The following ODF2 variants were observed in gnomAD, a reference collection of about 807,000 sequenced individuals.
ODF2 encodes outer dense fiber of sperm tails 2.
ODF2 carries 47 observed loss-of-function variants against 110.2 expected under a neutral mutation model. That is an observed-to-expected ratio of 0.43 (90% CI 0.34 to 0.54). ODF2 has a LOEUF of 0.54. Among genes scored for constraint, ODF2 ranks in the 20% least tolerant of loss-of-function variants. The pLI, the probability that ODF2 is intolerant of heterozygous loss-of-function variation, is 0.03. For synonymous variants in ODF2, 352 were observed against 397.7 expected (o/e 0.89, Z 1.37); for missense variants, 812 against 1,054.5 (o/e 0.77, Z 3.19).
chr9:128,488,315 C>G (rs1447291101), intron 14 of ODF2, among the ~76,000 whole-genome samples: 1 of 152,266 alleles, frequency 6.6e-6, no homozygotes, highest in East Asian at 1.9e-4. Context: ...GTCCCAGCTA[C>G]TCGGGAGGCT....
chr9:128,456,867 T>G, intron 1 of ODF2: 1 of 1,290,908 alleles, frequency 7.7e-7, no homozygotes, highest in Non-Finnish European at 9.8e-7. Context: ...CCTCCGCGCC[T>G]CCCTCCTTTA....
At chr9:128,456,814 T>A in intron 1 of ODF2, 1 of 1,181,242 alleles carries the variant, frequency 8.5e-7, no homozygotes, top group Non-Finnish European at 1.1e-6. Flanking sequence ...CTCAGAACTC[T>A]GTTCGGTTTT....
chr9:128,483,917 A>C, intron 10 of ODF2, 21 bp from the exon 11 acceptor site: 1 of 1,559,722 alleles, frequency 6.4e-7, no homozygotes, highest in Non-Finnish European at 8.8e-7. Context: ...TGCCTCCATC[A>C]CTTTTTCCGT....
chr9:128,499,262 T>A, intron 20 of ODF2, 136 bp downstream of exon 20: 1 of 1,036,340 alleles, frequency 9.6e-7, no homozygotes, highest in Non-Finnish European at 1.4e-6. Context: ...TCACTTTCTA[T>A]CCCTTAAGGA....
intron 17 of ODF2, among the ~76,000 whole-genome samples, 192 bp from the exon 18 acceptor site, chr9:128,495,849 G>A (rs556216599): frequency 1.2e-3 from 176 of 152,220 alleles, no homozygotes; most frequent in African/African-American, 4.0e-3. Context: ...AGTGTGGGGA[G>A]AGCCTTTTGT....
At chr9:128,469,512 G>T in intron 5 of ODF2, 159 bp downstream of exon 5, 1 of 682,820 alleles carries the variant, frequency 1.5e-6, no homozygotes, top group Non-Finnish European at 2.5e-6. Flanking sequence ...GAGGTAGCTG[G>T]GGCAGCATGG....
chr9:128,499,196 A>C (rs1846150860), intron 20 of ODF2, 70 bp downstream of exon 20: 12 of 1,589,340 alleles, frequency 7.6e-6, no homozygotes, highest in Non-Finnish European at 1.0e-5. Flanking sequence ...CCTGTGGGCC[A>C]AGGTGTTTTG....
upstream of ODF2, chr9:128,456,078 G>T (rs1834694246): frequency 3.9e-6 from 6 of 1,537,310 alleles, no homozygotes; most frequent in South Asian, 2.4e-5. Flanking sequence ...TCCCGGGGGG[G>T]TTTGAACTGG....
chr9:128,478,892 T>A (rs1384479880), intron 8 of ODF2, among the ~76,000 whole-genome samples: 1 of 152,190 alleles, frequency 6.6e-6, no homozygotes, highest in African/African-American at 2.4e-5. Context: ...CCCTTCCAGC[T>A]GTGTGGCCTC....
intron 1 of ODF2, 37 bp downstream of exon 1, chr9:128,456,292 C>T: frequency 6.6e-7 from 1 of 1,512,350 alleles, no homozygotes; most frequent in Non-Finnish European, 8.8e-7. Flanking sequence ...CAGCGCCCTC[C>T]GGGGCACCGC....
At chr9:128,470,018 A>AAAAAATATATATATATATATAT (rs1554829083) in intron 5 of ODF2, among the ~76,000 whole-genome samples, 1 of 16,982 alleles carries the variant, frequency 5.9e-5, no homozygotes, top group Non-Finnish European at 9.6e-5. Context: ...AAAAAAAAAA[A>AAAAAATATATATATATATATAT]ATATATATAT....
At position 128,473,590 on chromosome 9, in the gene ODF2, A is replaced by G; in HGVS notation, c.712-20A>G. ...TCCCTTCTCCCCCTGCATCTGTAAG[A>G]CTGGCTACTTGTCTTCCAGGAGAAA... On this transcript the variant is annotated intron_variant, in intron 7 of 20. Coordinates refer to ENST00000604420, the Ensembl canonical transcript of ODF2. The G allele has an allele frequency of 2.5e-6, 4 of 1,612,372 alleles. No individual in the cohort carries two copies. Among genetic ancestry groups the G allele is most frequent in the Non-Finnish European group, 3.4e-6 (4 of 1,179,338 alleles).
At chr9:128,476,310 G>A (rs552707308) in intron 8 of ODF2, among the ~76,000 whole-genome samples, 68 of 152,198 alleles carry the variant, frequency 4.5e-4, no homozygotes, top group African/African-American at 1.6e-3. Flanking sequence ...TTTTATTTGA[G>A]ACCGAGTTTC....
At position 128,484,074 on chromosome 9, in the gene ODF2, GT is replaced by G. The variant is rs1842925784; in HGVS notation, c.1104+21del. 6.3e-7 allele frequency: 1 copy of G among 1,575,428 alleles called. No individual in the cohort carries two copies. Among genetic ancestry groups the G allele is most frequent in the South Asian group, 1.1e-5 (1 of 90,484 alleles). ...ATTAAGGTACCTATTGGCCCCACAA[GT>G]GGGGAAAGAGGAGGCAAGGGCCTGC... On this transcript the variant is annotated intron_variant, in intron 11 of 20. Coordinates refer to ENST00000604420, the Ensembl canonical transcript of ODF2.
At chr9:128,473,834 G>A in intron 8 of ODF2, 93 bp downstream of exon 8, 1 of 1,238,104 alleles carries the variant, frequency 8.1e-7, no homozygotes. Context: ...TAAGATTGGT[G>A]CCCGACCTGA....
At chr9:128,473,243 C>G (rs941828666) in intron 7 of ODF2, 1 of 985,182 alleles carries the variant, frequency 1.0e-6, no homozygotes, top group Non-Finnish European at 1.2e-6. Context: ...TCACCAGGGC[C>G]TCTGAGGAGA....
At chr9:128,456,578 T>G in intron 1 of ODF2, 1 of 1,525,314 alleles carries the variant, frequency 6.6e-7, no homozygotes, top group African/African-American at 1.4e-5. Context: ...TGCCTGCTGG[T>G]GGGTGGCCGT....
intron 3 of ODF2, 135 bp from the exon 3 acceptor site, chr9:128,460,415 A>G: frequency 5.5e-6 from 8 of 1,465,038 alleles, no homozygotes; most frequent in Non-Finnish European, 5.5e-6. Context: ...CCTGCATGCC[A>G]GTAGTTGGTA....
At position 128,457,135 on chromosome 9, in the gene ODF2, C is replaced by T. The variant is rs376921243; in HGVS notation, c.-208-63C>T. On this transcript the variant is annotated intron_variant, in intron 1 of 20. Coordinates refer to ENST00000604420, the Ensembl canonical transcript of ODF2. ...TTCCCTCGCGGTTCTGCCCCGTCCC[C>T]TCCCCTTCCTCCCCTCTGCCCCCAG... is the stretch of plus-strand genomic sequence containing the variant. 29 of 1,460,270 alleles carry T rather than the reference C, an allele frequency of 2.0e-5. 1 individual carries two copies. The African/African-American group carries it at 2.1e-4, about 11-fold the overall frequency. 90.5% of individuals were successfully genotyped at this position (1,460,270 alleles called of 1,614,324 possible). A position where few individuals can be genotyped will look rare whatever the true frequency, so the allele number is the denominator to read the frequency against.
Sources: gnomAD v4.1 joint callset for allele counts (sites outside exome capture counted in the v4.1 genomes callset) on GRCh38, gnomAD v4.1.1 for gene constraint, MANE v1.5 for transcripts, NCBI Gene and HGNC (gene_info 2026-07-23, HGNC 2026-07-21) for gene names.